SSH2: variants seen among roughly 807,000 people sequenced by gnomAD.
The protein encoded by SSH2 is protein phosphatase Slingshot homolog 2.
A neutral mutation model predicts 135.2 loss-of-function variants in SSH2; 37 were observed. The ratio of observed to expected loss-of-function variants is 0.27; its 90% CI spans 0.21 to 0.36. SSH2 has a LOEUF of 0.36. Ranked by LOEUF, SSH2 falls within the 10% of genes least tolerant of loss-of-function variation. The probability of loss-of-function intolerance (pLI) is 1.00; values close to 1 mark genes in which losing one functional copy is unlikely to be tolerated. For missense variants in SSH2, 1,408 were observed against 1,765.3 expected, an observed-to-expected ratio of 0.80 and a Z score of 3.63; for synonymous variants, 628 against 646.2, an observed-to-expected ratio of 0.97 and a Z score of 0.43.
chr17:29,742,571 C>G (rs766384661), intron 3 of SSH2, among the ~76,000 whole-genome samples: 6 of 140,824 alleles, frequency 4.3e-5, no homozygotes, highest in Non-Finnish European at 9.1e-5. Flanking sequence ...TGGGCCCAAG[C>G]AGTTCTCCCG....
Position 29,631,282 on chromosome 17 carries a change from C to T in SSH2, c.3912G>A (p.Glu1304=). 2 of 1,614,124 alleles carry T rather than the reference C, an allele frequency of 1.2e-6. No homozygotes were observed. The highest frequency in any genetic ancestry group is 1.7e-6 in the Non-Finnish European group (2 of 1,180,040). Residue 1304 remains glutamate (E), a synonymous_variant, in exon 16 of 16, where the codon GAG becomes GAA. Coordinates refer to ENST00000540801, the MANE Select transcript of SSH2 (RefSeq NM_001282129.2). Reference sequence around the variant, plus strand: ...GATGAGGGGATTCACAGGAGGCAGGCTCCCTCTCTGGTAAGCAGTCTTTAC... The same window carrying T: ...GATGAGGGGATTCACAGGAGGCAGGTTCCCTCTCTGGTAAGCAGTCTTTAC... ...DLCKDCLPER[E]PASCESPHLK...
At chr17:29,892,951 T>G (rs1459878597) in intron 1 of SSH2, among the ~76,000 whole-genome samples, 3 of 152,070 alleles carry the variant, frequency 2.0e-5, no homozygotes, top group Non-Finnish European at 4.4e-5. Flanking sequence ...AATTTCCCTC[T>G]AGCTACTCTT....
At chr17:29,761,173 G>A (rs2041283420) in intron 3 of SSH2, 5 of 1,289,776 alleles carry the variant, frequency 3.9e-6, no homozygotes, top group South Asian at 1.2e-5. Context: ...CGTTCTGCGA[G>A]ATGACCGCGT....
chr17:29,684,294 T>C (rs970693618), intron 6 of SSH2, among the ~76,000 whole-genome samples: 1 of 152,168 alleles, frequency 6.6e-6, no homozygotes, highest in South Asian at 2.1e-4. Flanking sequence ...CTGGCCAATA[T>C]GGCAAAACCC....
chr17:29,925,261 T>C (rs1005461590), intron 1 of SSH2: 3 of 354,672 alleles, frequency 8.5e-6, no homozygotes, highest in African/African-American at 2.1e-5. Flanking sequence ...TGGATCAATA[T>C]AGGTATCAAT....
At chr17:29,873,426 G>A (rs1395800022) in intron 1 of SSH2, among the ~76,000 whole-genome samples, 1 of 151,980 alleles carries the variant, frequency 6.6e-6, no homozygotes, top group Non-Finnish European at 1.5e-5. Flanking sequence ...GGGCATGGTG[G>A]TGCACGCCTG....
chr17:29,655,551 G>C lies in SSH2; in HGVS notation c.1079+10C>G. 1 of 1,613,874 alleles carries C rather than the reference G, an allele frequency of 6.2e-7. No individual in the cohort carries two copies. Among genetic ancestry groups the C allele is most frequent in the Non-Finnish European group, 8.5e-7 (1 of 1,179,784 alleles). ...ACACAGGGGTGCCAGCTATTGCTTTGTGTGCTTACCCTCGGTTCTGTAAGT... is the reference window on the plus strand; with the variant it reads ...ACACAGGGGTGCCAGCTATTGCTTTCTGTGCTTACCCTCGGTTCTGTAAGT... On this transcript the variant is annotated intron_variant, in intron 12 of 15. Coordinates refer to ENST00000540801, the MANE Select transcript of SSH2 (RefSeq NM_001282129.2).
At chr17:29,638,509 T>TACACACACAC (rs71138839) in intron 14 of SSH2, among the ~76,000 whole-genome samples, 19 of 128,962 alleles carry the variant, frequency 1.5e-4, no homozygotes, top group African/African-American at 3.8e-4. Flanking sequence ...TTCTATATTT[T>TACACACACAC]ACACACACAC....
At chr17:29,815,390 G>A (rs1766161508) in intron 2 of SSH2, among the ~76,000 whole-genome samples, 1 of 150,592 alleles carries the variant, frequency 6.6e-6, no homozygotes, top group South Asian at 2.1e-4. Flanking sequence ...CCAAAATGCT[G>A]GGATTACAGG....
At chr17:29,655,679 G>C in intron 11 of SSH2, 72 bp from the exon 12 acceptor site, 1 of 1,404,824 alleles carries the variant, frequency 7.1e-7, no homozygotes, top group African/African-American at 1.4e-5. Context: ...AGGAGCGAGA[G>C]AAGAAGAACT....
intron 1 of SSH2, among the ~76,000 whole-genome samples, chr17:29,857,089 C>T (rs2065676404): frequency 6.6e-6 from 1 of 152,030 alleles, no homozygotes; most frequent in Admixed American, 6.6e-5. Context: ...CCAAGAGTCC[C>T]CCAAAGTCTT....
intron 1 of SSH2, among the ~76,000 whole-genome samples, chr17:29,899,580 A>T (rs1158500426): frequency 6.6e-6 from 1 of 152,230 alleles, no homozygotes; most frequent in Non-Finnish European, 1.5e-5. Flanking sequence ...AAGGGATGTG[A>T]AGGACCTCTT....
intron 1 of SSH2, among the ~76,000 whole-genome samples, chr17:29,864,506 C>G (rs183863486): frequency 5.9e-5 from 9 of 151,724 alleles, no homozygotes; most frequent in Admixed American, 2.0e-4. Flanking sequence ...TCTATTGCAA[C>G]TAACGGTGAT....
chr17:29,771,086 A>G (rs1284520157), intron 3 of SSH2, among the ~76,000 whole-genome samples: 1 of 152,224 alleles, frequency 6.6e-6, no homozygotes, highest in Admixed American at 6.5e-5. Flanking sequence ...TCTTCTGATT[A>G]AGTCCAGTGA....
intron 2 of SSH2, among the ~76,000 whole-genome samples, chr17:29,807,936 T>C (rs2042376404): frequency 6.7e-6 from 1 of 150,168 alleles, no homozygotes; most frequent in African/African-American, 2.5e-5. Context: ...AATTTAACTA[T>C]GGGCCTCCAC....
At chr17:29,655,671 G>C in intron 11 of SSH2, 64 bp from the exon 12 acceptor site, 3 of 1,464,182 alleles carry the variant, frequency 2.0e-6, no homozygotes, top group Non-Finnish European at 2.9e-6. Flanking sequence ...ACTTGAAAAG[G>C]AGCGAGAGAA....
At chr17:29,925,705 T>TAAAA in intron 1 of SSH2, 1 of 331,810 alleles carries the variant, frequency 3.0e-6, no homozygotes, top group Non-Finnish European at 5.3e-6. Context: ...AGACCCCATC[T>TAAAA]AAAAAAAAAA....
intron 8 of SSH2, among the ~76,000 whole-genome samples, chr17:29,675,053 G>A (rs1199982563): frequency 6.6e-6 from 1 of 152,176 alleles, no homozygotes; most frequent in Non-Finnish European, 1.5e-5. Context: ...GGTTTTACTT[G>A]TTACTTAGGA....
At chr17:29,790,305 C>T (rs552076454) in intron 3 of SSH2, among the ~76,000 whole-genome samples, 12 of 152,244 alleles carry the variant, frequency 7.9e-5, no homozygotes, top group South Asian at 4.2e-4. Flanking sequence ...GAGACCAGAA[C>T]GTGCTCTCTC....
Sources: gnomAD v4.1 joint callset for allele counts (sites outside exome capture counted in the v4.1 genomes callset) on GRCh38, gnomAD v4.1.1 for gene constraint, MANE v1.5 for transcripts, NCBI Gene and HGNC (gene_info 2026-07-23, HGNC 2026-07-21) for gene names.